PCMTD1: variants seen among roughly 807,000 people sequenced by gnomAD.
PCMTD1 encodes the protein protein-L-isoaspartate O-methyltransferase domain-containing protein 1.
In PCMTD1, 12 loss-of-function variants were observed where a neutral mutation model predicts 37.6. That is an observed-to-expected ratio of 0.32 (90% CI 0.20 to 0.52). The LOEUF is 0.52. Among genes scored for constraint, PCMTD1 ranks in the 20% least tolerant of loss-of-function variants. PCMTD1 has a pLI of 0.97. For missense variants in PCMTD1, 235 were observed against 421.3 expected, an observed-to-expected ratio of 0.56 and a Z score of 3.87; for synonymous variants, 117 against 135.8, an observed-to-expected ratio of 0.86 and a Z score of 0.96.
chr8:51,820,907 C>T (rs142300404), intron 5 of PCMTD1, among the ~76,000 whole-genome samples, 189 bp from the exon 6 acceptor site: 76 of 152,074 alleles, frequency 5.0e-4, no homozygotes, highest in African/African-American at 1.8e-3. Flanking sequence ...ATGGATGGCA[C>T]TGAAGTTAAA....
chr8:51,895,289 C>G (rs565109182), intron 1 of PCMTD1, among the ~76,000 whole-genome samples: 6 of 152,204 alleles, frequency 3.9e-5, no homozygotes, highest in Non-Finnish European at 7.3e-5. Context: ...TCACATTCTA[C>G]AGCTCTTTCA....
At chr8:51,848,974 T>C (rs892869995) in intron 2 of PCMTD1, 1 of 152,064 alleles carries the variant, frequency 6.6e-6, no homozygotes, top group African/African-American at 2.4e-5. Flanking sequence ...AATATCTCAT[T>C]TATTTAGAAT....
chr8:51,839,311 TAAGGAA>T (rs2038112850), intron 3 of PCMTD1: 2 of 255,302 alleles, frequency 7.8e-6, no homozygotes, highest in Non-Finnish European at 6.1e-6. Flanking sequence ...CTTAGGCAGA[TAAGGAA>T]AAGTAATTGA....
chr8:51,851,409 C>T (rs1198671545), intron 2 of PCMTD1, among the ~76,000 whole-genome samples: 1 of 152,176 alleles, frequency 6.6e-6, no homozygotes, highest in African/African-American at 2.4e-5. Flanking sequence ...TAAACCATAT[C>T]TCTAAAATGT....
chr8:51,824,364 CA>C (rs1177180139), intron 5 of PCMTD1, among the ~76,000 whole-genome samples: 1 of 152,206 alleles, frequency 6.6e-6, no homozygotes, highest in Non-Finnish European at 1.5e-5. Flanking sequence ...GATACAAAAT[CA>C]ACGTGCAAAA....
At chr8:51,859,662 C>CA (rs1350476845) in intron 2 of PCMTD1, among the ~76,000 whole-genome samples, 1 of 152,126 alleles carries the variant, frequency 6.6e-6, no homozygotes, top group African/African-American at 2.4e-5. Context: ...TGTCCAAACT[C>CA]AGACACTTCA....
At chr8:51,828,197 T>TAA (rs1563335929) in intron 5 of PCMTD1, among the ~76,000 whole-genome samples, 1 of 152,206 alleles carries the variant, frequency 6.6e-6, no homozygotes, top group Admixed American at 6.5e-5. Context: ...ATGATACTTA[T>TAA]GGTTGGGTCA....
At chr8:51,889,908 ATAT>A (rs2038913849) in intron 1 of PCMTD1, among the ~76,000 whole-genome samples, 5 of 151,156 alleles carry the variant, frequency 3.3e-5, no homozygotes, top group Non-Finnish European at 5.9e-5. Context: ...ACAAAAATAT[ATAT>A]TAGTGTGAAG....
intron 1 of PCMTD1, among the ~76,000 whole-genome samples, chr8:51,891,280 A>C (rs1011332004): frequency 5.9e-5 from 9 of 152,182 alleles, no homozygotes; most frequent in African/African-American, 9.6e-5. Flanking sequence ...GAGGCCGGGC[A>C]AGGTAGCTTT....
In PCMTD1 at chr8:51,886,228, C is replaced by T. The variant is rs60206922; in HGVS notation, c.-96+12702G>A. ...CCCTGTTCGACTTATTCAAAATCAT[C>T]ATCCTCTTTAGCTGAAATTTTCCAG... On this transcript the variant is annotated intron_variant, in intron 1 of 5. Transcript: ENST00000522514. Among the ~76,000 whole-genome samples, 327 of 152,348 alleles carry T rather than the reference C, an allele frequency of 2.1e-3. 2 individuals are homozygous for T. Among genetic ancestry groups the T allele is most frequent in the African/African-American group, 7.5e-3 (310 of 41,578 alleles).
At chr8:51,885,710 T>C (rs1230017866) in intron 1 of PCMTD1, among the ~76,000 whole-genome samples, 1 of 152,194 alleles carries the variant, frequency 6.6e-6, no homozygotes, top group Admixed American at 6.5e-5. Context: ...AAAGCAACAG[T>C]AAATGACACT....
intron 1 of PCMTD1, among the ~76,000 whole-genome samples, chr8:51,888,599 AT>A (rs1218163091): frequency 2.7e-5 from 4 of 150,450 alleles, no homozygotes; most frequent in Non-Finnish European, 4.4e-5. Flanking sequence ...CATAGCCTTT[AT>A]TTTACCATTG....
intron 1 of PCMTD1, among the ~76,000 whole-genome samples, chr8:51,878,243 T>G (rs967053969): frequency 3.8e-5 from 3 of 79,428 alleles, no homozygotes; most frequent in African/African-American, 8.0e-5. Context: ...ATGAGATTTT[T>G]TTTTTGGTTT....
intron 3 of PCMTD1, chr8:51,844,784 T>C (rs1452581516): frequency 1.3e-5 from 2 of 152,138 alleles, no homozygotes. Flanking sequence ...TGTAGCCCCC[T>C]CCCTCAAGTT....
intron 2 of PCMTD1, among the ~76,000 whole-genome samples, chr8:51,857,522 T>C (rs745708984): frequency 6.6e-6 from 1 of 152,186 alleles, no homozygotes; most frequent in Non-Finnish European, 1.5e-5. Flanking sequence ...CATTCAGTTA[T>C]GGAAAGCAGA....
At chr8:51,881,897 G>A (rs1373055584) in intron 1 of PCMTD1, among the ~76,000 whole-genome samples, 2 of 152,144 alleles carry the variant, frequency 1.3e-5, no homozygotes, top group African/African-American at 4.8e-5. Flanking sequence ...CTTTGCTGAA[G>A]TTCCCTTAAC....
chr8:51,898,073 C>T (rs1195096999), intron 1 of PCMTD1, among the ~76,000 whole-genome samples: 1 of 152,036 alleles, frequency 6.6e-6, no homozygotes, highest in Non-Finnish European at 1.5e-5. Context: ...TCATGTTTTT[C>T]TCAAGGAGCA....
At chr8:51,831,997 T>C (rs1244075725) in intron 4 of PCMTD1, among the ~76,000 whole-genome samples, 1 of 152,250 alleles carries the variant, frequency 6.6e-6, no homozygotes, top group African/African-American at 2.4e-5. Context: ...ATATAGATTC[T>C]AATTCGACCC....
chr8:51,836,839 G>A (rs1370964359), intron 3 of PCMTD1, among the ~76,000 whole-genome samples: 1 of 152,146 alleles, frequency 6.6e-6, no homozygotes, highest in African/African-American at 2.4e-5. Context: ...CTCCCAAAAT[G>A]CTGGGATTCC....
Sources: allele counts gnomAD v4.1 joint callset (sites outside exome capture counted in the v4.1 genomes callset), GRCh38; gene constraint gnomAD v4.1.1; transcripts MANE v1.5; gene names NCBI Gene and HGNC (gene_info 2026-07-23, HGNC 2026-07-21).